Variants in IQGAP1 observed in about 807,000 individuals in gnomAD.
IQGAP1 encodes the protein ras GTPase-activating-like protein IQGAP1.
Under a neutral mutation model 215.6 loss-of-function variants are expected in IQGAP1, and 66 were observed. The observed-to-expected ratio is 0.31, with a 90% CI of 0.25 to 0.38. The LOEUF (loss-of-function observed/expected upper bound fraction) is 0.38, where lower values mean the gene tolerates loss of function less well. Ranked by LOEUF, IQGAP1 falls within the 10% of genes least tolerant of loss-of-function variation. IQGAP1 has a pLI of 1.00. For missense variants in IQGAP1, 1,712 were observed against 1,997.1 expected (o/e 0.86, Z 2.72); for synonymous variants, 772 against 728.7 (o/e 1.06, Z -0.96).
chr15:90,422,620 ATATATGTATATATATATATG>A (rs1360628917), intron 2 of IQGAP1, among the ~76,000 whole-genome samples: 3 of 74,330 alleles, frequency 4.0e-5, no homozygotes, highest in Admixed American at 1.8e-4. Context: ...ATATATATAT[ATATATGTATATATATATATG>A]TATATGTATA....
rs1179368440 is a variant in IQGAP1, at chr15:90,448,650, C to T, written c.991C>T (p.Pro331Ser). 1 of 1,612,456 alleles carries T rather than the reference C, an allele frequency of 6.2e-7. No homozygotes were observed. Among genetic ancestry groups the T allele is most frequent in the Admixed American group, 1.7e-5 (1 of 59,750 alleles). Residue 331 changes from proline (P) to serine (S), a missense_variant, in exon 10 of 38, where the codon CCA (proline) becomes TCA (serine). Physicochemically the swap from Pro to Ser is moderately conservative, Grantham distance 74 (BLOSUM62 -1). Around this residue, in one of 2 missense-constraint regions of IQGAP1, gnomAD observed 1,021 missense variants for 1,074.2 expected, o/e 0.95. Coordinates refer to ENST00000268182, the MANE Select transcript of IQGAP1 (RefSeq NM_003870.4). ...ALALFRALQSPALGLRGLQQQ... is the reference protein window; with the variant it reads ...ALALFRALQSSALGLRGLQQQ... ...GGCCTTGTTCAGGGCTCTGCAGTCA[C>T]CAGCCCTGGGGCTTCGAGGACTGCA...
intron 2 of IQGAP1, among the ~76,000 whole-genome samples, chr15:90,418,785 G>T (rs920196926): frequency 2.0e-5 from 3 of 152,140 alleles, no homozygotes; most frequent in Non-Finnish European, 4.4e-5. Flanking sequence ...TTGAGCATTT[G>T]TAAGGGAATG....
chr15:90,493,803 T>G (rs1330652930), intron 35 of IQGAP1, among the ~76,000 whole-genome samples: 1 of 152,218 alleles, frequency 6.6e-6, no homozygotes, highest in African/African-American at 2.4e-5. Context: ...TGTGTTTTCA[T>G]TGTTCCTTGT....
At chr15:90,428,812 T>C (rs2151014896) in intron 3 of IQGAP1, among the ~76,000 whole-genome samples, 1 of 151,960 alleles carries the variant, frequency 6.6e-6, no homozygotes, top group South Asian at 2.1e-4. Flanking sequence ...AAAGCAGACA[T>C]TGAAGTTTAG....
rs902140093 is a variant in IQGAP1 at position 90,467,515 on chromosome 15, G to C, written c.2101G>C (p.Glu701Gln). 2 of 1,613,148 alleles carry C rather than the reference G, an allele frequency of 1.2e-6. No individual in the cohort carries two copies. Among genetic ancestry groups the C allele is most frequent in the Admixed American group, 1.7e-5 (1 of 59,934 alleles). ...TGGATATTATTATTACCACAATCTG[G>C]AGACCCAGGAAGGAGGATGGGATGA... ...KGGYYYYHNL[E>Q]TQEGGWDEPP... is the part of the protein sequence containing the mutation. Residue 701 changes from glutamate to glutamine, a missense_variant, in exon 18 of 38, where the codon GAG (glutamate) becomes CAG (glutamine). Physicochemically the swap from Glu to Gln is conservative, Grantham distance 29 (BLOSUM62 2). Coordinates refer to ENST00000268182, the MANE Select transcript of IQGAP1 (RefSeq NM_003870.4).
Position 90,443,394 on chromosome 15 carries a change from A to G in IQGAP1, c.829A>G (p.Thr277Ala). Residue 277 changes from threonine (T) to alanine (A), a missense_variant and splice_region_variant, in exon 9 of 38, where the codon ACA becomes GCA. By Grantham distance (58) the Thr-to-Ala change is moderately conservative. Around this residue, in one of 2 missense-constraint regions of IQGAP1, gnomAD observed 1,021 missense variants for 1,074.2 expected, o/e 0.95. Transcript: ENST00000268182. ...QDKMTNAKNR[T>A]ENSERERDVY... ...AATTACGCTTTTTACTCATCCTCAG[A>G]CAGAAAACTCAGAGAGAGAAAGAGA... 3.7e-6 allele frequency: 6 copies of G among 1,609,790 alleles called. No homozygotes were observed. The highest frequency in any genetic ancestry group is 5.1e-6 in the Non-Finnish European group (6 of 1,176,280).
chr15:90,471,649 G>A (rs1443263327), intron 18 of IQGAP1, among the ~76,000 whole-genome samples: 7 of 151,854 alleles, frequency 4.6e-5, no homozygotes, highest in Admixed American at 1.3e-4. Flanking sequence ...ACAGGCATGC[G>A]CCACCACACC....
chr15:90,441,744 C>G, intron 8 of IQGAP1, 60 bp downstream of exon 8: 1 of 1,218,860 alleles, frequency 8.2e-7, no homozygotes. Flanking sequence ...TTTGATATGG[C>G]TCCAGTTTAA....
At chr15:90,486,291 A>G in intron 31 of IQGAP1, 159 bp downstream of exon 31, 1 of 550,032 alleles carries the variant, frequency 1.8e-6, no homozygotes, top group Non-Finnish European at 3.2e-6. Context: ...AGAAAACAAC[A>G]ACAACAACAA....
Position 90,482,253 on chromosome 15 carries a change from C to T in IQGAP1, c.3527C>T (p.Pro1176Leu), listed in dbSNP as rs907661174. 3 of 1,614,074 alleles carry T rather than the reference C, an allele frequency of 1.9e-6. No homozygotes were observed. Among genetic ancestry groups the T allele is most frequent in the Admixed American group, 3.3e-5 (2 of 60,004 alleles). The change falls in exon 28 of 38, where the codon CCT becomes CTT. Residue 1176 changes from proline (P) to leucine (L), a missense_variant. This residue lies in a region of IQGAP1 where 691 missense variants were observed against 923.0 expected (regional missense o/e 0.75). Transcript: ENST00000268182. ...AAGGACTCGTTGCATGAGAAGTTCC[C>T]TGATGCTGGTGAGGATGAGCTGCTG... ...VLKDSLHEKF[P>L]DAGEDELLKI...
At chr15:90,426,377 CAAATTATAGCCTTTA>C (rs1965222952) in intron 3 of IQGAP1, 111 bp downstream of exon 3, 1 of 1,164,792 alleles carries the variant, frequency 8.6e-7, no homozygotes, top group Admixed American at 2.7e-5. Context: ...TTTGTTGCAA[CAAATTATAGCCTTTA>C]AAATGCCTGG....
intron 23 of IQGAP1, among the ~76,000 whole-genome samples, chr15:90,475,377 T>G (rs572967756): frequency 5.5e-4 from 83 of 152,078 alleles, no homozygotes; most frequent in Non-Finnish European, 9.6e-4. Flanking sequence ...AAGTGATTGA[T>G]CCACTCACCT....
chr15:90,481,900 G>A, intron 26 of IQGAP1, 60 bp from the exon 27 acceptor site: 1 of 1,571,142 alleles, frequency 6.4e-7, no homozygotes, highest in South Asian at 1.1e-5. Context: ...TAAGACACTT[G>A]CTTCAGGCTG....
chr15:90,474,325 C>G, intron 22 of IQGAP1, 160 bp from the exon 23 acceptor site: 1 of 754,974 alleles, frequency 1.3e-6, no homozygotes, highest in Non-Finnish European at 2.2e-6. Flanking sequence ...TTTATCATAA[C>G]ATAGCAATAG....
intron 2 of IQGAP1, among the ~76,000 whole-genome samples, chr15:90,416,602 G>T (rs1965052762): frequency 6.6e-6 from 1 of 150,492 alleles, no homozygotes; most frequent in Non-Finnish European, 1.5e-5. Context: ...TTTTGAGACG[G>T]AGTCTTGCTC....
chr15:90,464,896 T>C (rs1965809938), intron 15 of IQGAP1, among the ~76,000 whole-genome samples: 1 of 151,976 alleles, frequency 6.6e-6, no homozygotes, highest in Non-Finnish European at 1.5e-5. Context: ...GTATTTCTAC[T>C]AATCTAATTC....
intron 22 of IQGAP1, 67 bp from the exon 23 acceptor site, chr15:90,474,418 A>C: frequency 2.4e-6 from 3 of 1,231,816 alleles, no homozygotes; most frequent in Non-Finnish European, 3.6e-6. Flanking sequence ...TTTTCAAGAC[A>C]ATGCTATTTC....
At chr15:90,437,273 A>G (rs1162895209) in intron 5 of IQGAP1, among the ~76,000 whole-genome samples, 2 of 152,178 alleles carry the variant, frequency 1.3e-5, no homozygotes, top group African/African-American at 4.8e-5. Context: ...CCATTGATCC[A>G]ATCACCTCTC....
At chr15:90,401,106 A>G (rs1333730492) in intron 2 of IQGAP1, among the ~76,000 whole-genome samples, 2 of 152,176 alleles carry the variant, frequency 1.3e-5, no homozygotes, top group Non-Finnish European at 2.9e-5. Context: ...GAGTTAGCCG[A>G]GTGAAGTGCC....
Sources: gnomAD v4.1 joint callset for allele counts (sites outside exome capture counted in the v4.1 genomes callset) on GRCh38, gnomAD v4.1.1 for gene constraint, gnomAD v4.1.1 regional missense constraint, MANE v1.5 for transcripts, NCBI Gene and HGNC (gene_info 2026-07-23, HGNC 2026-07-21) for gene names.